Variants in LZTFL1 observed in about 807,000 individuals in gnomAD.
The protein encoded by LZTFL1 is leucine zipper transcription factor like 1, also known as leucine zipper transcription factor-like protein 1.
A neutral mutation model predicts 45.9 loss-of-function variants in LZTFL1; 25 were observed. The observed-to-expected ratio is 0.54, with a 90% CI of 0.40 to 0.76. The LOEUF (loss-of-function observed/expected upper bound fraction) is 0.76, where lower values mean the gene tolerates loss of function less well. LZTFL1 is among the 30% of genes least tolerant of loss of function. The pLI is 0.00. For synonymous variants in LZTFL1, 93 were observed against 117.4 expected, an observed-to-expected ratio of 0.79 and a Z score of 1.35; for missense variants, 277 against 331.1, an observed-to-expected ratio of 0.84 and a Z score of 1.27.
chr3:45,908,033 T>C (rs1300040007), intron 2 of LZTFL1, among the ~76,000 whole-genome samples: 1 of 152,152 alleles, frequency 6.6e-6, no homozygotes, highest in Non-Finnish European at 1.5e-5. Flanking sequence ...GCTGGGTGGA[T>C]TAAGGATGAC....
At chr3:45,913,439 T>A (rs1447353574) in intron 1 of LZTFL1, among the ~76,000 whole-genome samples, 1 of 152,080 alleles carries the variant, frequency 6.6e-6, no homozygotes, top group Admixed American at 6.6e-5. Context: ...ATTCTCCAAA[T>A]ATTAAAGCAG....
chr3:45,851,000 C>T (rs1701298642), intron 4 of LZTFL1, among the ~76,000 whole-genome samples: 1 of 152,192 alleles, frequency 6.6e-6, no homozygotes, highest in African/African-American at 2.4e-5. Context: ...CATAGCACCC[C>T]TTTGTCATGG....
chr3:45,899,190 A>T (rs1389416156), intron 2 of LZTFL1, among the ~76,000 whole-genome samples: 1 of 152,184 alleles, frequency 6.6e-6, no homozygotes, highest in African/African-American at 2.4e-5. Flanking sequence ...AAATAAATAA[A>T]ACAAGTTTTG....
Position 45,830,930 on chromosome 3 carries a change from C to A in LZTFL1, c.583G>T (p.Asp195Tyr). The A allele has an allele frequency of 6.2e-7, 1 of 1,613,896 alleles. No homozygotes were observed. Among genetic ancestry groups the A allele is most frequent in the East Asian group, 2.2e-5 (1 of 44,838 alleles). ...LEKALQDLQL[D>Y]QGNQKDFIKA... ...TGTTTCACCTTTTGATTTCCTTGAT[C>A]AAGCTGTAAATCTTGCAGTGCTTTT... is the stretch of plus-strand genomic sequence containing the variant. The change falls in exon 7 of 10, where the codon GAT (aspartate) becomes TAT (tyrosine). Residue 195 changes from aspartate to tyrosine, a missense_variant. Asp to Tyr is a radical substitution (Grantham distance 160). Transcript: ENST00000296135.
rs1248038691 is a variant in LZTFL1 at position 45,837,957 on chromosome 3, T to G, written c.98A>C (p.Asp33Ala). The G allele has an allele frequency of 1.1e-5, 18 of 1,613,406 alleles. No homozygotes were observed. Among genetic ancestry groups the G allele is most frequent in the Non-Finnish European group, 1.3e-5 (15 of 1,179,780 alleles). ...CTCCTTGAGGTCTTGGAAGCAGGAA[T>G]CTACAGTTTTGAGTCTCAAGCCTCT... ...SKRGLRLKTV[D>A]SCFQDLKESR... Residue 33 changes from aspartate to alanine, a missense_variant, in exon 2 of 10, where the codon GAT becomes GCT. Asp to Ala is a moderately radical substitution (Grantham distance 126). Transcript: ENST00000296135.
At chr3:45,870,390 C>T (rs950749759) in intron 2 of LZTFL1, among the ~76,000 whole-genome samples, 4 of 152,212 alleles carry the variant, frequency 2.6e-5, no homozygotes, top group Admixed American at 6.5e-5. Flanking sequence ...GTGGTTCAGA[C>T]ATCCTGAGGT....
chr3:45,842,225 G>T, upstream of LZTFL1: 4 of 1,367,966 alleles, frequency 2.9e-6, no homozygotes, highest in Non-Finnish European at 3.8e-6. Context: ...TGCCACATGC[G>T]CATTGGCTTC....
chr3:45,841,678 C>T, intron 1 of LZTFL1: 1 of 519,384 alleles, frequency 1.9e-6, no homozygotes, highest in Non-Finnish European at 3.5e-6. Context: ...GCAGCAGTTT[C>T]CTCTATCTCT....
intron 4 of LZTFL1, among the ~76,000 whole-genome samples, chr3:45,850,293 A>G (rs1701287533): frequency 6.6e-6 from 1 of 152,174 alleles, no homozygotes; most frequent in Admixed American, 6.5e-5. Flanking sequence ...GGCTAAGTGA[A>G]TGTAGGTAAC....
intron 1 of LZTFL1, among the ~76,000 whole-genome samples, chr3:45,915,016 T>C (rs956796831): frequency 6.6e-6 from 1 of 152,268 alleles, no homozygotes; most frequent in Middle Eastern, 3.4e-3. Flanking sequence ...GGGCCCTGTT[T>C]GTGAAAGCTT....
Position 45,866,329 on chromosome 3 carries a change from C to T in LZTFL1, c.-214-7313G>A, listed in dbSNP as rs537478533. Reference sequence around the variant, plus strand: ...TGAATCTACAAAAAAGTAATACATGCTTAATATAGAACATTTTGAAATAAT... The same window carrying T: ...TGAATCTACAAAAAAGTAATACATGTTTAATATAGAACATTTTGAAATAAT... On this transcript the variant is annotated intron_variant, in intron 2 of 4. Transcript: ENST00000472635. Among the ~76,000 whole-genome samples the T allele has an allele frequency of 5.9e-5, 9 of 152,228 alleles. 1 individual carries two copies. In the South Asian group the frequency reaches 1.7e-3, roughly 28 times the overall value.
chr3:45,847,681 G>C (rs1354408188), intron 4 of LZTFL1, among the ~76,000 whole-genome samples: 1 of 152,240 alleles, frequency 6.6e-6, no homozygotes, highest in Non-Finnish European at 1.5e-5. Flanking sequence ...ACAACCAAAA[G>C]ATTGGCAGCT....
At chr3:45,835,897 G>A (rs1446069543) in intron 2 of LZTFL1, 113 bp from the exon 3 acceptor site, 1 of 653,302 alleles carries the variant, frequency 1.5e-6, no homozygotes, top group African/African-American at 1.8e-5. Context: ...AAAGATTACA[G>A]TGAAAATCTC....
At chr3:45,907,824 G>C (rs1702711049) in intron 2 of LZTFL1, among the ~76,000 whole-genome samples, 1 of 152,210 alleles carries the variant, frequency 6.6e-6, no homozygotes, top group Admixed American at 6.5e-5. Context: ...GCCACGGACT[G>C]TGCGTGTTCT....
intron 2 of LZTFL1, among the ~76,000 whole-genome samples, chr3:45,859,985 T>C (rs1339903721): frequency 6.6e-6 from 1 of 152,196 alleles, no homozygotes; most frequent in African/African-American, 2.4e-5. Flanking sequence ...ATTAAGTATA[T>C]ACTAATCATA....
chr3:45,831,173 C>G (rs749299546), intron 5 of LZTFL1, 35 bp from the exon 6 acceptor site: 1 of 1,126,116 alleles, frequency 8.9e-7, no homozygotes, highest in Admixed American at 2.6e-5. Context: ...TTATATTAAC[C>G]AAAATATTTT....
intron 2 of LZTFL1, among the ~76,000 whole-genome samples, chr3:45,908,284 G>A (rs1021294026): frequency 2.6e-5 from 4 of 152,160 alleles, no homozygotes; most frequent in Non-Finnish European, 5.9e-5. Context: ...GTGTCAGAAG[G>A]CTGCCCACCC....
At chr3:45,856,566 A>G (rs1370717904) in intron 3 of LZTFL1, among the ~76,000 whole-genome samples, 2 of 152,214 alleles carry the variant, frequency 1.3e-5, no homozygotes, top group Non-Finnish European at 2.9e-5. Flanking sequence ...TGCACAAAAG[A>G]AAAGAAACTA....
chr3:45,896,870 C>T (rs1364483965), intron 2 of LZTFL1, among the ~76,000 whole-genome samples: 1 of 152,248 alleles, frequency 6.6e-6, no homozygotes, highest in East Asian at 1.9e-4. Context: ...CAGTCCCTGC[C>T]CTTTCTCTGT....
Sources: gnomAD v4.1 joint callset for allele counts (sites outside exome capture counted in the v4.1 genomes callset) on GRCh38, gnomAD v4.1.1 for gene constraint, MANE v1.5 for transcripts, NCBI Gene and HGNC (gene_info 2026-07-23, HGNC 2026-07-21) for gene names.